The following UMAD1 variants were observed in gnomAD, a reference collection of about 807,000 sequenced individuals.
UMAD1 encodes UBAP1-MVB12-associated (UMA) domain containing 1, also known as UBAP1-MVB12-associated (UMA)-domain containing protein 1.
UMAD1 carries 8 observed loss-of-function variants against 6.1 expected under a neutral mutation model. The ratio of observed to expected loss-of-function variants is 1.30; its 90% confidence interval spans 0.76 to 2.35. The LOEUF (loss-of-function observed/expected upper bound fraction) is 2.35. Ranked by LOEUF, UMAD1 falls within the 30% of genes most tolerant of loss-of-function variation. The probability of loss-of-function intolerance (pLI) is 0.00; values close to 1 mark genes in which losing one functional copy is unlikely to be tolerated. For missense variants in UMAD1, 130 were observed against 78.4 expected (o/e 1.66, Z -2.49); for synonymous variants, 56 against 31.4 (o/e 1.78, Z -2.61).
intron 3 of UMAD1, among the ~76,000 whole-genome samples, chr7:7,850,704 A>G (rs1475398087): frequency 1.3e-5 from 2 of 152,008 alleles, no homozygotes; most frequent in African/African-American, 4.8e-5. Context: ...TTTAAGAAAC[A>G]TATATCTTAA....
chr7:7,799,262 T>C (rs1478060863), intron 2 of UMAD1, among the ~76,000 whole-genome samples: 4 of 152,272 alleles, frequency 2.6e-5, no homozygotes, highest in Admixed American at 2.6e-4. Flanking sequence ...TGCCTTTGTT[T>C]ACAGAGAAAC....
At chr7:7,877,189 G>T (rs758457610) in intron 3 of UMAD1, 92 bp from the exon 4 acceptor site, 11 of 639,604 alleles carry the variant, frequency 1.7e-5, no homozygotes, top group Non-Finnish European at 2.9e-5. Flanking sequence ...AGCCCACATT[G>T]CTCAATCATT....
At chr7:7,682,512 T>C (rs1779937712) in intron 2 of UMAD1, among the ~76,000 whole-genome samples, 1 of 152,188 alleles carries the variant, frequency 6.6e-6, no homozygotes, top group Non-Finnish European at 1.5e-5. Flanking sequence ...AATTTAGCTG[T>C]ATACATAAAA....
At chr7:7,770,618 T>C (rs1782080994) in intron 2 of UMAD1, among the ~76,000 whole-genome samples, 1 of 152,084 alleles carries the variant, frequency 6.6e-6, no homozygotes, top group Non-Finnish European at 1.5e-5. Flanking sequence ...GGAGACAAGT[T>C]TGAAAGGCAT....
At chr7:7,852,147 G>A (rs1032374888) in intron 3 of UMAD1, among the ~76,000 whole-genome samples, 1 of 152,112 alleles carries the variant, frequency 6.6e-6, no homozygotes, top group African/African-American at 2.4e-5. Context: ...ACATTGAATG[G>A]TCTTGGCACC....
At chr7:7,824,525 T>C (rs1783304643) in intron 3 of UMAD1, among the ~76,000 whole-genome samples, 1 of 152,166 alleles carries the variant, frequency 6.6e-6, no homozygotes, top group Non-Finnish European at 1.5e-5. Flanking sequence ...TGTGAGGCTT[T>C]CTCTGACCAC....
chr7:7,773,393 G>A (rs1379409996), intron 2 of UMAD1, among the ~76,000 whole-genome samples: 2 of 152,160 alleles, frequency 1.3e-5, no homozygotes, highest in African/African-American at 4.8e-5. Context: ...ATAAGCTGTT[G>A]AAGTGTTGAT....
At chr7:7,847,098 AAAAAAAATATATATATATATATATATAT>A (rs1468487804) in intron 3 of UMAD1, among the ~76,000 whole-genome samples, 3 of 46,918 alleles carry the variant, frequency 6.4e-5, no homozygotes, top group African/African-American at 3.2e-4. Context: ...AAAAAAAAAA[AAAAAAAATATATATATATATATATATAT>A]ATATATATAT....
At chr7:7,794,114 T>G (rs945702003) in intron 2 of UMAD1, among the ~76,000 whole-genome samples, 3 of 152,178 alleles carry the variant, frequency 2.0e-5, no homozygotes, top group African/African-American at 7.2e-5. Context: ...ATAGATTGCA[T>G]TCTCAGATAC....
chr7:7,739,490 G>T (rs1781421314), intron 2 of UMAD1, among the ~76,000 whole-genome samples: 1 of 152,168 alleles, frequency 6.6e-6, no homozygotes, highest in African/African-American at 2.4e-5. Context: ...ATTTGCTCTT[G>T]TGCAGTGTGG....
intron 2 of UMAD1, among the ~76,000 whole-genome samples, chr7:7,722,169 A>C (rs1397078791): frequency 7.0e-6 from 1 of 142,778 alleles, no homozygotes; most frequent in Non-Finnish European, 1.5e-5. Context: ...ATATATATAT[A>C]TGTATATATA....
At chr7:7,671,817 G>T (rs986751395) in intron 1 of UMAD1, among the ~76,000 whole-genome samples, 27 of 151,686 alleles carry the variant, frequency 1.8e-4, no homozygotes, top group Non-Finnish European at 5.9e-5. Flanking sequence ...CTTTTCTTTT[G>T]TATCTATTAC....
At chr7:7,854,146 G>C (rs1451794606) in intron 3 of UMAD1, among the ~76,000 whole-genome samples, 1 of 151,878 alleles carries the variant, frequency 6.6e-6, no homozygotes, top group Non-Finnish European at 1.5e-5. Flanking sequence ...CCCTGAGGCT[G>C]GAAGTTTGAG....
At position 7,730,963 on chromosome 7, in the gene UMAD1, C is replaced by T. The variant is rs1412975895; in HGVS notation, c.82+57510C>T. On this transcript the variant is annotated intron_variant, in intron 2 of 3. Coordinates refer to ENST00000682710, the MANE Select transcript of UMAD1 (RefSeq NM_001302348.2). ...AGTTTTAAATGTGTTGAAAGTTCCT[C>T]CTGGGGGAAAGGAGTAAAATGATCA... is the stretch of plus-strand genomic sequence containing the variant. 2.0e-5 allele frequency among the ~76,000 whole-genome samples: 3 copies of T among 152,050 alleles called. No individual in the cohort carries two copies. The East Asian group carries it at 5.8e-4, about 29-fold the overall frequency.
At chr7:7,657,597 G>A in intron 1 of UMAD1, among the ~76,000 whole-genome samples, 1 of 151,936 alleles carries the variant, frequency 6.6e-6, no homozygotes, top group Non-Finnish European at 1.5e-5. Context: ...GTTTTTTTCA[G>A]GTATGTCAAA....
chr7:7,777,469 G>A (rs13228450), intron 2 of UMAD1, among the ~76,000 whole-genome samples: 39,813 of 141,702 alleles, frequency 0.28, 6,673 homozygotes, highest in Middle Eastern at 0.4. Context: ...TTGAACCACC[G>A]CACTCCAGCC....
rs561463777 is a variant in UMAD1 at position 7,796,144 on chromosome 7, G to A, written c.83-5526G>A. 2.4e-4 allele frequency among the ~76,000 whole-genome samples: 36 copies of A among 151,864 alleles called. No individual in the cohort carries two copies. In the East Asian group the frequency reaches 7.0e-3, roughly 29 times the overall value. ...TTCCTCCATGTTGAAGGAAGCATAA[G>A]GCAAGTGACCTCACAGGGTTAACAG... On this transcript the variant is annotated intron_variant, in intron 2 of 3. Coordinates refer to ENST00000682710, the MANE Select transcript of UMAD1 (RefSeq NM_001302348.2).
At chr7:7,731,491 C>CAAA (rs1554321025) in intron 2 of UMAD1, among the ~76,000 whole-genome samples, 6 of 134,598 alleles carry the variant, frequency 4.5e-5, no homozygotes, top group African/African-American at 1.7e-4. Flanking sequence ...AACCCCCCCC[C>CAAA]AAAAAAAAAA....
At chr7:7,802,489 A>G (rs1256852472) in intron 3 of UMAD1, among the ~76,000 whole-genome samples, 1 of 152,242 alleles carries the variant, frequency 6.6e-6, no homozygotes, top group African/African-American at 2.4e-5. Flanking sequence ...TCTTTTTCAC[A>G]TGAGAAAACT....
Sources: gnomAD v4.1 joint callset for allele counts (sites outside exome capture counted in the v4.1 genomes callset) on GRCh38, gnomAD v4.1.1 for gene constraint, MANE v1.5 for transcripts, NCBI Gene and HGNC (gene_info 2026-07-23, HGNC 2026-07-21) for gene names.